Variants in RABGAP1 observed in about 807,000 individuals in gnomAD.
RABGAP1 encodes the protein RAB GTPase activating protein 1.
A neutral mutation model predicts 137.6 loss-of-function variants in RABGAP1; 23 were observed. That is an observed-to-expected ratio of 0.17 (90% confidence interval 0.12 to 0.24). The LOEUF (loss-of-function observed/expected upper bound fraction) is 0.24, where lower values mean the gene tolerates loss of function less well. RABGAP1 is among the 10% of genes least tolerant of loss of function. The pLI, the probability that RABGAP1 is intolerant of heterozygous loss-of-function variation, is 1.00. For synonymous variants in RABGAP1, 451 were observed against 450.7 expected, an observed-to-expected ratio of 1.00 and a Z score of -0.01; for missense variants, 906 against 1,275.8, an observed-to-expected ratio of 0.71 and a Z score of 4.42.
chr9:122,978,131 A>T (rs1487783310), intron 2 of RABGAP1, among the ~76,000 whole-genome samples: 1 of 152,080 alleles, frequency 6.6e-6, no homozygotes, highest in African/African-American at 2.4e-5. Context: ...AAGATGGGGA[A>T]TACTTTTATT....
At chr9:123,072,400 A>G (rs1352924243) in intron 15 of RABGAP1, among the ~76,000 whole-genome samples, 1 of 152,182 alleles carries the variant, frequency 6.6e-6, no homozygotes, top group South Asian at 2.1e-4. Context: ...ATGAGACTTT[A>G]TATCTCAAAG....
intron 10 of RABGAP1, among the ~76,000 whole-genome samples, chr9:123,008,087 T>G (rs1351041876): frequency 6.6e-6 from 1 of 152,020 alleles, no homozygotes; most frequent in African/African-American, 2.4e-5. Flanking sequence ...CGAATCCCCA[T>G]GTACTATTAC....
At chr9:122,943,823 G>A (rs1281578332) in intron 1 of RABGAP1, among the ~76,000 whole-genome samples, 1 of 152,114 alleles carries the variant, frequency 6.6e-6, no homozygotes, top group East Asian at 1.9e-4. Flanking sequence ...CGTGGTGGCA[G>A]GTGCCTGTAG....
intron 14 of RABGAP1, among the ~76,000 whole-genome samples, chr9:123,067,596 T>C (rs928140637): frequency 2.6e-5 from 4 of 152,250 alleles, no homozygotes; most frequent in African/African-American, 9.6e-5. Flanking sequence ...AACTTCTCAC[T>C]GTGCTCTGGT....
intron 13 of RABGAP1, chr9:123,020,968 C>T (rs1355899990): frequency 2.5e-6 from 2 of 804,658 alleles, no homozygotes; most frequent in Non-Finnish European, 3.0e-6. Context: ...CAAAGTTTTG[C>T]AAGCAAAACA....
chr9:122,982,930 C>T (rs879828304), intron 2 of RABGAP1, among the ~76,000 whole-genome samples: 3 of 151,984 alleles, frequency 2.0e-5, no homozygotes, highest in Non-Finnish European at 4.4e-5. Context: ...AGTGCAGTGG[C>T]GTGATCTCGG....
chr9:123,030,643 C>T (rs914154366), intron 13 of RABGAP1, among the ~76,000 whole-genome samples: 1 of 152,098 alleles, frequency 6.6e-6, no homozygotes, highest in African/African-American at 2.4e-5. Flanking sequence ...TAATTGTGCA[C>T]ATACCCATCA....
intron 13 of RABGAP1, among the ~76,000 whole-genome samples, chr9:123,044,687 A>G (rs1052207722): frequency 2.6e-5 from 4 of 151,866 alleles, no homozygotes; most frequent in South Asian, 2.1e-4. Flanking sequence ...GTGCTGGTAC[A>G]TGAGTATAAT....
At chr9:123,025,543 CTTTTTTT>C (rs577474947) in intron 13 of RABGAP1, among the ~76,000 whole-genome samples, 2 of 75,014 alleles carry the variant, frequency 2.7e-5, no homozygotes, top group Middle Eastern at 0.02. Flanking sequence ...TCTTTCTTTT[CTTTTTTT>C]TTTTTTTTTT....
intron 13 of RABGAP1, among the ~76,000 whole-genome samples, chr9:123,048,658 A>G (rs908814471): frequency 3.3e-5 from 5 of 152,266 alleles, no homozygotes; most frequent in African/African-American, 9.6e-5. Flanking sequence ...TTTGTTTGGA[A>G]TATGACTTTG....
chr9:122,982,138 A>G (rs940448480), intron 2 of RABGAP1, among the ~76,000 whole-genome samples: 6 of 152,180 alleles, frequency 3.9e-5, no homozygotes, highest in African/African-American at 1.4e-4. Flanking sequence ...TAACATGATA[A>G]TTGTTGAGTA....
At chr9:123,084,787 G>A (rs984528635) in intron 19 of RABGAP1, among the ~76,000 whole-genome samples, 2 of 152,138 alleles carry the variant, frequency 1.3e-5, no homozygotes, top group African/African-American at 2.4e-5. Context: ...GATGTTTTTT[G>A]ATCTTCATAA....
In RABGAP1 at chr9:123,034,636, A is replaced by G. The variant is rs535225883; in HGVS notation, c.1794+14177A>G. ...CCTCTTGGCATTTGGCTATTTGGAA[A>G]CTGTCAATTTTTGCCTTTTGGAAGT... On this transcript the variant is annotated intron_variant, in intron 13 of 25. Transcript: ENST00000373647. 748 of 1,613,856 alleles carry G rather than the reference A, an allele frequency of 4.6e-4. 3 individuals carry two copies. The South Asian group carries it at 7.4e-3, about 16-fold the overall frequency.
chr9:123,012,015 A>G (rs993493758), intron 11 of RABGAP1, among the ~76,000 whole-genome samples: 3 of 152,224 alleles, frequency 2.0e-5, no homozygotes, highest in Non-Finnish European at 4.4e-5. Context: ...AATTTGCCCA[A>G]GGTTACACAG....
intron 13 of RABGAP1, among the ~76,000 whole-genome samples, chr9:123,036,320 A>G (rs1217672575): frequency 6.6e-6 from 1 of 152,248 alleles, no homozygotes; most frequent in Admixed American, 6.5e-5. Flanking sequence ...CTTCACAGAG[A>G]TCTAAAGATA....
chr9:122,958,151 G>C (rs143625317), intron 2 of RABGAP1, among the ~76,000 whole-genome samples: 2 of 152,058 alleles, frequency 1.3e-5, no homozygotes, highest in African/African-American at 2.4e-5. Flanking sequence ...CTCCAGAGCC[G>C]GGCAGGGGTG....
intron 10 of RABGAP1, among the ~76,000 whole-genome samples, chr9:123,004,266 A>G (rs674625): frequency 0.75 from 114,495 of 151,994 alleles, 45,119 homozygotes; most frequent in Middle Eastern, 0.89. Flanking sequence ...CGCTTTGGCA[A>G]CTTCCAAATA....
chr9:122,934,743 G>A, the RABGAP1 span, among the ~76,000 whole-genome samples: 11 of 152,156 alleles, frequency 7.2e-5, no homozygotes, highest in East Asian at 1.9e-4. Flanking sequence ...GTGCAGTGGC[G>A]CAGTCTTGGC....
At chr9:123,095,226 C>CA (rs55675466) in intron 21 of RABGAP1, among the ~76,000 whole-genome samples, 876 of 60,906 alleles carry the variant, frequency 0.014, 2 homozygotes, top group African/African-American at 0.042. Flanking sequence ...AACCTTGTCC[C>CA]AAAAAAAAAA....
Sources: gnomAD v4.1 joint callset for allele counts (sites outside exome capture counted in the v4.1 genomes callset) on GRCh38, gnomAD v4.1.1 for gene constraint, MANE v1.5 for transcripts, NCBI Gene and HGNC (gene_info 2026-07-23, HGNC 2026-07-21) for gene names.